Variants in KLHL28 observed in about 807,000 individuals in gnomAD.
KLHL28 encodes the protein kelch like family member 28, also known as kelch-like protein 28.
In KLHL28, 22 loss-of-function variants were observed where a neutral mutation model predicts 48.3. The ratio of observed to expected loss-of-function variants is 0.46; its 90% CI spans 0.33 to 0.65. The LOEUF (loss-of-function observed/expected upper bound fraction) is 0.65. KLHL28 is among the 30% of genes least tolerant of loss of function. KLHL28 has a pLI of 0.03. For missense variants in KLHL28, 527 were observed against 704.3 expected, an observed-to-expected ratio of 0.75 and a Z score of 2.85; for synonymous variants, 243 against 242.4, an observed-to-expected ratio of 1.00 and a Z score of -0.02.
chr14:44,924,430 A>G lies in KLHL28; in HGVS notation c.*4598T>C, dbSNP rs1187709833. ...CACACAAATAACCTTTAAAATAAAA[A>G]AGAATACAATTCTTAACTAGTTAAA... On this transcript the variant is annotated 3_prime_UTR_variant, in exon 5 of 5. Transcript: ENST00000396128. The G allele has an allele frequency of 1.3e-5, 2 of 152,648 alleles. No individual in the cohort carries two copies. The highest frequency in any genetic ancestry group is 4.8e-5 in the African/African-American group (2 of 41,474). 9.5% of individuals were successfully genotyped at this position (152,648 alleles called of 1,614,324 possible). A position where few individuals can be genotyped will look rare whatever the true frequency, so the allele number is the denominator to read the frequency against.
chr14:44,956,700 C>A (rs1884807351), intron 1 of KLHL28, among the ~76,000 whole-genome samples: 1 of 152,194 alleles, frequency 6.6e-6, no homozygotes, highest in Non-Finnish European at 1.5e-5. Flanking sequence ...AACCTGTGAA[C>A]CATAGACTTG....
At chr14:44,940,020 G>A (rs1884002898) in intron 2 of KLHL28, among the ~76,000 whole-genome samples, 1 of 152,184 alleles carries the variant, frequency 6.6e-6, no homozygotes, top group Admixed American at 6.5e-5. Flanking sequence ...TTGGCTTTCA[G>A]TTTTGGGGGC....
In KLHL28 at chr14:44,945,196, G is replaced by A. The variant is rs1041605403; in HGVS notation, c.733C>T (p.Arg245Cys). Reference protein sequence around the residue: ...TRLYEANHLIRDDRTCKHLLN... With the variant: ...TRLYEANHLICDDRTCKHLLN... The stretch of plus-strand genomic sequence containing the variant: ...AGATGTTTACAAGTGCGATCATCAC[G>A]AATAAGATGATTTGCTTCATATAGT... The change falls in exon 2 of 5, where the codon CGT (arginine) becomes TGT (cysteine). Residue 245 changes from arginine (R) to cysteine (C), a missense_variant. Transcript: ENST00000396128. 5.6e-6 allele frequency: 9 copies of A among 1,613,890 alleles called. No homozygotes were observed. Among genetic ancestry groups the A allele is most frequent in the South Asian group, 3.3e-5 (3 of 91,066 alleles).
In KLHL28 at chr14:44,945,326, T is replaced by G. The variant is rs749070139; in HGVS notation, c.603A>C (p.Ala201=). 1.9e-6 allele frequency: 3 copies of G among 1,614,054 alleles called. No homozygotes were observed. In the African/African-American group the frequency reaches 4.0e-5, roughly 22 times the overall value. The change falls in exon 2 of 5, where the codon GCA becomes GCC. Residue 201 remains alanine, a synonymous_variant. Coordinates refer to ENST00000396128, the MANE Select transcript of KLHL28 (RefSeq NM_017658.5). ...NVATEETVFY[A]LESWIKYDVQ... Reference sequence around the variant, plus strand: ...CATCATACTTGATCCAAGACTCTAATGCATAAAAAACAGTCTCTTCGGTAG... The same window carrying G: ...CATCATACTTGATCCAAGACTCTAAGGCATAAAAAACAGTCTCTTCGGTAG...
intron 2 of KLHL28, among the ~76,000 whole-genome samples, chr14:44,935,878 ATATATATGTGTG>A (rs1482196086): frequency 2.7e-5 from 3 of 110,396 alleles, no homozygotes; most frequent in East Asian, 2.4e-4. Flanking sequence ...GTGTATGTAT[ATATATATGTGTG>A]TATATATATA....
chr14:44,929,604 C>T (rs1883499370), intron 4 of KLHL28, among the ~76,000 whole-genome samples: 1 of 152,162 alleles, frequency 6.6e-6, no homozygotes, highest in African/African-American at 2.4e-5. Context: ...TCTGCAGTTT[C>T]AGTCCACTGG....
intron 2 of KLHL28, among the ~76,000 whole-genome samples, chr14:44,936,719 G>T (rs551071752): frequency 2.4e-4 from 36 of 152,346 alleles, no homozygotes; most frequent in African/African-American, 8.4e-4. Context: ...GGCCTAAGTG[G>T]AGAATTGAAT....
intron 1 of KLHL28, among the ~76,000 whole-genome samples, chr14:44,952,626 T>C (rs911779091): frequency 1.3e-5 from 2 of 152,114 alleles, no homozygotes; most frequent in African/African-American, 4.8e-5. Flanking sequence ...CTCAAACTCC[T>C]AGGCTCAAGT....
In KLHL28 at chr14:44,945,261, C is replaced by T. The variant is rs376183725; in HGVS notation, c.668G>A (p.Ser223Asn). 7.7e-5 allele frequency: 125 copies of T among 1,614,082 alleles called. 1 individual carries two copies. In the East Asian group the frequency reaches 2.2e-3, roughly 28 times the overall value. The change falls in exon 2 of 5, where the codon AGT becomes AAT. Residue 223 changes from serine to asparagine, a missense_variant. Coordinates refer to ENST00000396128, the MANE Select transcript of KLHL28 (RefSeq NM_017658.5). ...RQKYLAQLLN[S>N]VRLPLLSVKF... is the part of the protein sequence containing the mutation. ...AACACTCAACAATGGTAATCGTACA[C>T]TGTTTAGTAACTGTGCTAAGTATTT...
rs1226434247 is a variant in KLHL28 at position 44,945,864 on chromosome 14, A to C, written c.65T>G (p.Leu22Arg). 5 of 1,614,076 alleles carry C rather than the reference A, an allele frequency of 3.1e-6. No homozygotes were observed. The highest frequency in any genetic ancestry group is 1.7e-5 in the Admixed American group (1 of 60,000). The change falls in exon 2 of 5, where the codon CTG becomes CGG. Residue 22 changes from leucine (L) to arginine (R), a missense_variant. Transcript: ENST00000396128. ...TTGGCGAAGAAGATTCAAGCCCTGC[A>C]GAAGTTGTTCAGAATGCAAGTGGGT... ...NLTHLHSEQLLQGLNLLRQHH... is the reference protein window; with the variant it reads ...NLTHLHSEQLRQGLNLLRQHH...
At chr14:44,935,322 GC>G (rs958592044) in intron 2 of KLHL28, among the ~76,000 whole-genome samples, 29 of 152,134 alleles carry the variant, frequency 1.9e-4, no homozygotes, top group Non-Finnish European at 8.8e-5. Context: ...CTCAAGGGTG[GC>G]TTTTGAGTGT....
chr14:44,939,504 C>T (rs1454533816), intron 2 of KLHL28, among the ~76,000 whole-genome samples: 3 of 152,200 alleles, frequency 2.0e-5, no homozygotes, highest in African/African-American at 4.8e-5. Context: ...ATCATTTCTT[C>T]CCTCTCGCAC....
At chr14:44,951,796 A>G in intron 1 of KLHL28, among the ~76,000 whole-genome samples, 1 of 152,246 alleles carries the variant, frequency 6.6e-6, no homozygotes, top group Non-Finnish European at 1.5e-5. Flanking sequence ...CAAGGTAAAA[A>G]TAGGGAACTT....
intron 2 of KLHL28, among the ~76,000 whole-genome samples, chr14:44,937,796 A>G (rs1195304750): frequency 6.6e-6 from 1 of 152,208 alleles, no homozygotes; most frequent in Non-Finnish European, 1.5e-5. Context: ...AAGACATCAC[A>G]TGGATAGCTA....
intron 1 of KLHL28, among the ~76,000 whole-genome samples, chr14:44,951,628 A>G (rs1463618541): frequency 6.6e-6 from 1 of 152,246 alleles, no homozygotes; most frequent in East Asian, 1.9e-4. Context: ...TGGTAAAAGT[A>G]ACTTCATAAA....
Position 44,945,740 on chromosome 14 carries a change from C to G in KLHL28, c.189G>C (p.Met63Ile). 2 of 1,614,120 alleles carry G rather than the reference C, an allele frequency of 1.2e-6. No homozygotes were observed. The highest frequency in any genetic ancestry group is 1.7e-6 in the Non-Finnish European group (2 of 1,180,016). Reference sequence around the variant, plus strand: ...CTTTTTCAGAAAGGTTTCCAGTGAACATAGCTTTGAAATACGGGCTGACGC... The same window carrying G: ...CTTTTTCAGAAAGGTTTCCAGTGAAGATAGCTTTGAAATACGGGCTGACGC... ...LASVSPYFKA[M>I]FTGNLSEKEN... is the part of the protein sequence containing the mutation. The change falls in exon 2 of 5, where the codon ATG (methionine) becomes ATC (isoleucine). Residue 63 changes from methionine to isoleucine, a missense_variant. By Grantham distance (10) the Met-to-Ile change is conservative. Transcript: ENST00000396128.
intron 3 of KLHL28, among the ~76,000 whole-genome samples, chr14:44,933,049 G>A (rs1364546531): frequency 2.0e-5 from 3 of 152,108 alleles, no homozygotes; most frequent in Non-Finnish European, 4.4e-5. Context: ...TTGCATATAA[G>A]CTACACGTAT....
intron 1 of KLHL28, among the ~76,000 whole-genome samples, chr14:44,952,520 A>G (rs1263053838): frequency 6.6e-6 from 1 of 152,182 alleles, no homozygotes; most frequent in Non-Finnish European, 1.5e-5. Flanking sequence ...TTTAAGAAAT[A>G]TTTAAAATGA....
intron 1 of KLHL28, among the ~76,000 whole-genome samples, chr14:44,949,465 T>C (rs1884482305): frequency 1.3e-5 from 2 of 152,060 alleles, no homozygotes; most frequent in Admixed American, 6.5e-5. Flanking sequence ...ACTAAAAAAA[T>C]ATATAAGCTA....
Sources: allele counts gnomAD v4.1 joint callset (sites outside exome capture counted in the v4.1 genomes callset), GRCh38; gene constraint gnomAD v4.1.1; transcripts MANE v1.5; gene names NCBI Gene and HGNC (gene_info 2026-07-23, HGNC 2026-07-21).